BEGAIN: variants seen among roughly 807,000 people sequenced by gnomAD.
BEGAIN encodes the protein brain enriched guanylate kinase associated, also known as brain-enriched guanylate kinase-associated protein.
A neutral mutation model predicts 35.8 loss-of-function variants in BEGAIN; 19 were observed. That is an observed-to-expected ratio of 0.53 (90% confidence interval 0.37 to 0.78). The LOEUF (loss-of-function observed/expected upper bound fraction) is 0.78. Ranked by LOEUF, BEGAIN falls within the 30% of genes least tolerant of loss-of-function variation. The pLI is 0.00. For synonymous variants in BEGAIN, 462 were observed against 388.6 expected (o/e 1.19, Z -2.22); for missense variants, 795 against 853.6 (o/e 0.93, Z 0.85).
At chr14:100,551,806 C>T (rs1245314979) in intron 2 of BEGAIN, among the ~76,000 whole-genome samples, 1 of 152,072 alleles carries the variant, frequency 6.6e-6, no homozygotes, top group Admixed American at 6.6e-5. Context: ...ACATTGATCA[C>T]TGGATTCCTG....
chr14:100,578,892 G>A lies in BEGAIN; in HGVS notation c.42+8357C>T, dbSNP rs542228278. Among the ~76,000 whole-genome samples the A allele has an allele frequency of 6.2e-5, 8 of 128,696 alleles. No homozygotes were observed. In the East Asian group the frequency reaches 1.0e-3, roughly 16 times the overall value. 84.4% of individuals were successfully genotyped at this position (128,696 alleles called of 152,430 possible). A position where few individuals can be genotyped will look rare whatever the true frequency, so the allele number is the denominator to read the frequency against. ...TTTTTTTTTTCTGAGATGGAGTTTC[G>A]CTCTTGTTGCCCAGGCTGGATTACA... On this transcript the variant is annotated intron_variant, in intron 1 of 6. Transcript: ENST00000554140.
At chr14:100,569,370 G>C (rs1192926562) in intron 1 of BEGAIN, 1 of 152,372 alleles carries the variant, frequency 6.6e-6, no homozygotes, top group Non-Finnish European at 1.5e-5. Context: ...GAGTTTGCCG[G>C]GAAGACTTTG....
chr14:100,546,581 G>A lies in BEGAIN; in HGVS notation c.153C>T (p.Phe51=). The A allele has an allele frequency of 1.3e-6, 2 of 1,592,034 alleles. No individual in the cohort carries two copies. Among genetic ancestry groups the A allele is most frequent in the Non-Finnish European group, 1.7e-6 (2 of 1,172,296 alleles). The part of the protein sequence containing the change: ...THKLEKLETE[F]DSTRHYLEIE... ...TCTCCAGGTAGTGGCGCGTGGAGTCGAACTCGGTCTCGAGCTTCTCGAGCT... is the reference window on the plus strand; with the variant it reads ...TCTCCAGGTAGTGGCGCGTGGAGTCAAACTCGGTCTCGAGCTTCTCGAGCT... The change falls in exon 3 of 7, where the codon TTC becomes TTT. Residue 51 remains phenylalanine, a synonymous_variant. Coordinates refer to ENST00000554140, the MANE Select transcript of BEGAIN (RefSeq NM_001385089.1).
chr14:100,538,604 G>A lies in BEGAIN; in HGVS notation c.1204C>T (p.Pro402Ser). 6.5e-7 allele frequency: 1 copy of A among 1,548,606 alleles called. No homozygotes were observed. The highest frequency in any genetic ancestry group is 8.7e-7 in the Non-Finnish European group (1 of 1,145,996). ...GCCTGCTGGGGACCCGGAGAGGCCG[G>A]GAAGCGGAAGGTCTCGGCCGGGTAC... ...SPYPAETFRFPASPGPQQALM... is the reference protein window; with the variant it reads ...SPYPAETFRFSASPGPQQALM... The change falls in exon 7 of 7, where the codon CCG (proline) becomes TCG (serine). Residue 402 changes from proline (P) to serine (S), a missense_variant. By Grantham distance (74) the Pro-to-Ser change is moderately conservative. Transcript: ENST00000554140.
chr14:100,585,194 CCCATCCATCCATCCAT>C (rs141222958), intron 1 of BEGAIN, among the ~76,000 whole-genome samples: 5 of 103,042 alleles, frequency 4.9e-5, no homozygotes, highest in Admixed American at 9.2e-5. Context: ...GTCAATCCCT[CCCATCCATCCATCCAT>C]CCATCCATCC....
chr14:100,583,230 A>G (rs2035359827), intron 1 of BEGAIN, among the ~76,000 whole-genome samples: 1 of 151,022 alleles, frequency 6.6e-6, no homozygotes, highest in African/African-American at 2.4e-5. Context: ...CCATTTGTGC[A>G]CTGAGCTGCC....
chr14:100,562,982 G>A (rs2034399866), intron 2 of BEGAIN, among the ~76,000 whole-genome samples: 1 of 152,310 alleles, frequency 6.6e-6, no homozygotes, highest in South Asian at 2.1e-4. Flanking sequence ...CAGCAGGGCC[G>A]GCTCACGGGG....
intron 2 of BEGAIN, among the ~76,000 whole-genome samples, chr14:100,565,383 G>C (rs1374365832): frequency 2.0e-5 from 3 of 152,192 alleles, no homozygotes; most frequent in African/African-American, 7.2e-5. Flanking sequence ...GCCAGTGGGA[G>C]GGACCAGGGA....
In BEGAIN at chr14:100,568,322, C is replaced by T. The variant is rs1215988290; in HGVS notation, c.43-383G>A. On this transcript the variant is annotated intron_variant, in intron 1 of 6. Coordinates refer to ENST00000554140, the MANE Select transcript of BEGAIN (RefSeq NM_001385089.1). This position sits in a 1 kb window ranked among gnomAD's most constrained non-coding sequence, Gnocchi z 7.5. ...GCCCCGCTGCTCCCCCCGCCCCGCC[C>T]GTTAACCCTTCCTGCCCCGCGCTCC... The T allele has an allele frequency of 7.9e-6, 6 of 759,264 alleles. No individual in the cohort carries two copies. The highest frequency in any genetic ancestry group is 1.1e-5 in the Non-Finnish European group (6 of 528,630). The allele number at this position is 759,264 out of a possible 1,614,324, so 47.0% of individuals were successfully genotyped here. A position where few individuals can be genotyped will look rare whatever the true frequency, so the allele number is the denominator to read the frequency against.
In BEGAIN at chr14:100,537,306, G is replaced by A. The variant is rs1246872661; in HGVS notation, c.*663C>T. On this transcript the variant is annotated 3_prime_UTR_variant, in exon 7 of 7. Coordinates refer to ENST00000554140, the MANE Select transcript of BEGAIN (RefSeq NM_001385089.1). Reference sequence around the variant, plus strand: ...ACGGTGTCAGGGGGCGGACCCGGGGGCGGAGATGAGCACCGGCCGCACTGG... The same window carrying A: ...ACGGTGTCAGGGGGCGGACCCGGGGACGGAGATGAGCACCGGCCGCACTGG... The A allele has an allele frequency of 6.5e-6, 1 of 152,726 alleles. No homozygotes were observed. Among genetic ancestry groups the A allele is most frequent in the Non-Finnish European group, 1.5e-5 (1 of 68,106 alleles). 9.5% of individuals were successfully genotyped at this position (152,726 alleles called of 1,614,324 possible).
chr14:100,558,947 G>A lies in BEGAIN; in HGVS notation c.71+8964C>T, dbSNP rs2033999880. On this transcript the variant is annotated intron_variant, in intron 2 of 6. Transcript: ENST00000554140. This position sits in a 1 kb window ranked among gnomAD's most constrained non-coding sequence, Gnocchi z 4.6. The stretch of plus-strand genomic sequence containing the variant: ...TGCCGGTGGGGCCAGGGCGCGTCCT[G>A]GAGATTGGTGTGGCCGGAGCCTGGG... Among the ~76,000 whole-genome samples the A allele has an allele frequency of 6.6e-6, 1 of 152,194 alleles. No individual in the cohort carries two copies. Among genetic ancestry groups the A allele is most frequent in the Non-Finnish European group, 1.5e-5 (1 of 68,034 alleles).
intron 1 of BEGAIN, among the ~76,000 whole-genome samples, chr14:100,585,170 A>C (rs1307313201): frequency 6.6e-6 from 1 of 151,712 alleles, no homozygotes; most frequent in African/African-American, 2.4e-5. Flanking sequence ...ATAGCCATGG[A>C]CTCATGGGCT....
intron 1 of BEGAIN, among the ~76,000 whole-genome samples, chr14:100,576,451 G>A (rs1231591480): frequency 1.8e-4 from 27 of 152,188 alleles, no homozygotes; most frequent in Admixed American, 1.7e-3. Context: ...AATGCTCGGC[G>A]AGTATCACTC....
intron 2 of BEGAIN, among the ~76,000 whole-genome samples, chr14:100,559,994 T>G (rs2034097107): frequency 6.6e-6 from 1 of 152,130 alleles, no homozygotes; most frequent in African/African-American, 2.4e-5. Flanking sequence ...AAGCCTCCCT[T>G]TAGTGGTGTC....
intron 1 of BEGAIN, among the ~76,000 whole-genome samples, chr14:100,574,070 G>A (rs1030334182): frequency 4.6e-5 from 7 of 152,142 alleles, no homozygotes; most frequent in Non-Finnish European, 8.8e-5. Context: ...ACGGAGAGCC[G>A]CCTGGGCCTC....
chr14:100,538,152 G>A lies in BEGAIN; in HGVS notation c.1656C>T (p.Ser552=). The A allele has an allele frequency of 6.5e-7, 1 of 1,535,240 alleles. No homozygotes were observed. Among genetic ancestry groups the A allele is most frequent in the Non-Finnish European group, 8.7e-7 (1 of 1,144,502 alleles). The change falls in exon 7 of 7, where the codon AGC becomes AGT. Residue 552 remains serine, a synonymous_variant. Transcript: ENST00000554140. The part of the protein sequence containing the change: ...RLGVQLCGTA[S]SPEPEQGSRD... ...TGGAACCCTGCTCGGGCTCAGGGCTGCTGGCGGTCCCACACAGCTGCACCC... is the reference window on the plus strand; with the variant it reads ...TGGAACCCTGCTCGGGCTCAGGGCTACTGGCGGTCCCACACAGCTGCACCC...
At chr14:100,546,210 C>T in intron 3 of BEGAIN, 1 of 207,510 alleles carries the variant, frequency 4.8e-6, no homozygotes, top group Non-Finnish European at 1.1e-5. Flanking sequence ...GGCTCAGCTG[C>T]TCCATAGTGT....
At position 100,539,285 on chromosome 14, in the gene BEGAIN, G is replaced by A; in HGVS notation, c.523C>T (p.Leu175=). The A allele has an allele frequency of 6.4e-7, 1 of 1,573,140 alleles. No homozygotes were observed. The highest frequency in any genetic ancestry group is 8.6e-7 in the Non-Finnish European group (1 of 1,160,938). The part of the protein sequence containing the change: ...LPSDFQERVS[L]HMEKHGCSLP... ...CTGCAGCCGTGCTTCTCCATGTGCA[G>A]GCTCACGCGCTCCTGGAAATCCGAG... Residue 175 remains leucine, a synonymous_variant, in exon 7 of 7, where the codon CTG becomes TTG. Transcript: ENST00000554140.
Position 100,537,940 on chromosome 14 carries a change from G to C in BEGAIN, c.*29C>G. ...TGGGGCACGTGGGCTGGCGGGGAGCGAACCACGGCCAGGCCTGCACGCAGG... is the reference window on the plus strand; with the variant it reads ...TGGGGCACGTGGGCTGGCGGGGAGCCAACCACGGCCAGGCCTGCACGCAGG... On this transcript the variant is annotated 3_prime_UTR_variant, in exon 7 of 7. Transcript: ENST00000554140. 1 of 1,578,180 alleles carries C rather than the reference G, an allele frequency of 6.3e-7. No homozygotes were observed. Among genetic ancestry groups the C allele is most frequent in the Non-Finnish European group, 8.6e-7 (1 of 1,163,386 alleles).
Sources: allele counts gnomAD v4.1 joint callset (sites outside exome capture counted in the v4.1 genomes callset), GRCh38; gene constraint gnomAD v4.1.1; non-coding constraint Gnocchi (gnomAD v3.1); transcripts MANE v1.5; gene names NCBI Gene and HGNC (gene_info 2026-07-23, HGNC 2026-07-21).